Variants in TIAM1 observed in about 807,000 individuals in gnomAD.
TIAM1 encodes TIAM Rac1 associated GEF 1, also known as rho guanine nucleotide exchange factor TIAM1.
TIAM1 carries 65 observed loss-of-function variants against 163.5 expected under a neutral mutation model. That is an observed-to-expected ratio of 0.40 (90% CI 0.33 to 0.49). The LOEUF (loss-of-function observed/expected upper bound fraction) is 0.49, where lower values mean the gene tolerates loss of function less well. TIAM1 is among the 20% of genes least tolerant of loss of function. The probability of loss-of-function intolerance (pLI) is 0.77; values close to 1 mark genes in which losing one functional copy is unlikely to be tolerated. For synonymous variants in TIAM1, 833 were observed against 810.1 expected (o/e 1.03, Z -0.48); for missense variants, 1,789 against 2,044.7 (o/e 0.87, Z 2.41).
rs147701527 is a variant in TIAM1 at position 31,298,735 on chromosome 21, G to GGTGTGTGTGTGTGTGTGTGTGT, written c.-188-21849_-188-21828dup. 2.6e-4 allele frequency among the ~76,000 whole-genome samples: 36 copies of GGTGTGTGTGTGTGTGTGTGTGT among 138,574 alleles called. 1 individual carries two copies. The highest frequency in any genetic ancestry group is 3.7e-3 in the Middle Eastern group (1 of 272). The allele number at this position is 138,574 out of a possible 152,430, so 90.9% of individuals were successfully genotyped here. On this transcript the variant is annotated intron_variant, in intron 2 of 27. Coordinates refer to ENST00000541036, the MANE Select transcript of TIAM1 (RefSeq NM_001353694.2). ...ATGGATCAGATCAGATCCAATTGAG[G>GGTGTGTGTGTGTGTGTGTGTGT]GTGTGTGTGTGTGTGTGTGTGTGTG...
chr21:31,533,332 TAATAA>T (rs1454741449), intron 1 of TIAM1, among the ~76,000 whole-genome samples: 2 of 152,116 alleles, frequency 1.3e-5, no homozygotes, highest in Admixed American at 1.3e-4. Context: ...AAAACAGTAA[TAATAA>T]AATAAATTTT....
chr21:31,157,035 T>C (rs1017261114), intron 16 of TIAM1, among the ~76,000 whole-genome samples: 9 of 152,228 alleles, frequency 5.9e-5, no homozygotes, highest in Non-Finnish European at 1.0e-4. Flanking sequence ...TATAGGTTCT[T>C]GGAAACTGAC....
At chr21:31,378,508 T>A (rs112067600) in intron 2 of TIAM1, among the ~76,000 whole-genome samples, 254 of 152,350 alleles carry the variant, frequency 1.7e-3, no homozygotes, top group Middle Eastern at 0.01. Flanking sequence ...GATTCACTAA[T>A]TAACTTTCTT....
chr21:31,479,438 T>A (rs576598095), intron 1 of TIAM1, among the ~76,000 whole-genome samples: 10 of 134,954 alleles, frequency 7.4e-5, no homozygotes, highest in Non-Finnish European at 1.2e-4. Flanking sequence ...GACGGATGAA[T>A]GGAAGGATGG....
intron 4 of TIAM1, among the ~76,000 whole-genome samples, chr21:31,255,181 G>A (rs1318468279): frequency 6.6e-6 from 1 of 152,198 alleles, no homozygotes; most frequent in Non-Finnish European, 1.5e-5. Context: ...TGCTTTGGAA[G>A]CAAACAGCTC....
intron 2 of TIAM1, among the ~76,000 whole-genome samples, chr21:31,374,243 G>A (rs180688855): frequency 6.6e-6 from 1 of 152,268 alleles, no homozygotes; most frequent in African/African-American, 2.4e-5. Context: ...GGCAGGGGGC[G>A]ATCCCATAAA....
At chr21:31,524,957 G>C (rs940423199) in intron 1 of TIAM1, among the ~76,000 whole-genome samples, 30 of 152,066 alleles carry the variant, frequency 2.0e-4, no homozygotes, top group African/African-American at 6.8e-4. Flanking sequence ...GACTGTACAA[G>C]AAAAATGGCA....
In TIAM1 at chr21:31,438,412, G is replaced by A. The variant is rs190860536; in HGVS notation, c.-369+25571C>T. On this transcript the variant is annotated intron_variant, in intron 2 of 28. Coordinates refer to the TIAM1 transcript ENST00000286827. ...TTGCCATGTTGGACAGGCTGGTCTC[G>A]AACTCCTGACCTCAAGTGACCCACC... Among the ~76,000 whole-genome samples, 20 of 151,788 alleles carry A rather than the reference G, an allele frequency of 1.3e-4. No individual in the cohort carries two copies. In the East Asian group the frequency reaches 2.9e-3, roughly 22 times the overall value.
intron 2 of TIAM1, among the ~76,000 whole-genome samples, chr21:31,305,445 T>C (rs2074672243): frequency 6.6e-6 from 1 of 151,832 alleles, no homozygotes; most frequent in South Asian, 2.1e-4. Context: ...AAAACAGTTC[T>C]TAGCCTTTTT....
At chr21:31,546,352 C>G (rs1235756346) in intron 1 of TIAM1, among the ~76,000 whole-genome samples, 4 of 151,960 alleles carry the variant, frequency 2.6e-5, no homozygotes, top group Non-Finnish European at 5.9e-5. Context: ...GAGTTCGAGA[C>G]CAGCCTGGCC....
chr21:31,392,507 T>C (rs1292973703), intron 2 of TIAM1, among the ~76,000 whole-genome samples: 1 of 147,210 alleles, frequency 6.8e-6, no homozygotes, highest in East Asian at 2.0e-4. Flanking sequence ...GAGGCAAAGG[T>C]TGTGGTGAGC....
In TIAM1 at chr21:31,210,786, GAA is replaced by G. The variant is rs371525859; in HGVS notation, c.2218-573_2218-572del. On this transcript the variant is annotated intron_variant, in intron 10 of 27. Transcript: ENST00000541036. The stretch of plus-strand genomic sequence containing the variant: ...AGAAAGAAAGAAAGAAAGAAAGAAA[GAA>G]AGAAAGAAAGAAAGAAAGAAAGAAA... Among the ~76,000 whole-genome samples the G allele has an allele frequency of 3.0e-4, 43 of 141,016 alleles. 1 individual carries two copies. Among genetic ancestry groups the G allele is most frequent in the African/African-American group, 1.3e-3 (43 of 32,146 alleles). 92.5% of individuals were successfully genotyped at this position (141,016 alleles called of 152,430 possible).
chr21:31,322,743 G>A (rs138445798), intron 2 of TIAM1, among the ~76,000 whole-genome samples: 6 of 152,356 alleles, frequency 3.9e-5, no homozygotes, highest in Non-Finnish European at 7.3e-5. Flanking sequence ...TCTGTCCACT[G>A]AATTGAGTTA....
intron 1 of TIAM1, among the ~76,000 whole-genome samples, chr21:31,508,882 C>T (rs1009533420): frequency 6.6e-6 from 1 of 152,096 alleles, no homozygotes; most frequent in African/African-American, 2.4e-5. Flanking sequence ...GAGACCTATG[C>T]GCACACTATT....
In TIAM1 at chr21:31,314,178, AAGG is replaced by A. The variant is rs540478886; in HGVS notation, c.-189+25062_-189+25064del. On this transcript the variant is annotated intron_variant, in intron 2 of 27. Coordinates refer to ENST00000541036, the MANE Select transcript of TIAM1 (RefSeq NM_001353694.2). ...ACTTACAAATGAGAAAAGTGAGGCC[AAGG>A]AGGAGAAGTCTCCCACATGAAATGG... 1.1e-3 allele frequency among the ~76,000 whole-genome samples: 171 copies of A among 152,364 alleles called. 1 individual carries two copies. The Middle Eastern group carries it at 0.017, about 15-fold the overall frequency.
intron 2 of TIAM1, among the ~76,000 whole-genome samples, chr21:31,350,832 C>T (rs1037049621): frequency 2.6e-5 from 4 of 152,190 alleles, no homozygotes; most frequent in African/African-American, 7.2e-5. Flanking sequence ...GCCCAATACA[C>T]GATGAGACAT....
chr21:31,211,861 G>C (rs556343348), intron 10 of TIAM1, among the ~76,000 whole-genome samples: 1 of 152,328 alleles, frequency 6.6e-6, no homozygotes, highest in South Asian at 2.1e-4. Context: ...GTGGGAGAAA[G>C]ACGTACCTTA....
At chr21:31,390,873 C>T (rs2300362) in intron 2 of TIAM1, among the ~76,000 whole-genome samples, 18,215 of 152,132 alleles carry the variant, frequency 0.12, 1,286 homozygotes, top group Admixed American at 0.22. Context: ...CAGAAAGTGA[C>T]GACTAGCTTT....
At chr21:31,314,496 T>A (rs1195476787) in intron 2 of TIAM1, among the ~76,000 whole-genome samples, 1 of 152,168 alleles carries the variant, frequency 6.6e-6, no homozygotes, top group Admixed American at 6.5e-5. Context: ...GCCCTAAATA[T>A]ATAGTAAAAC....
Sources: gnomAD v4.1 joint callset for allele counts (sites outside exome capture counted in the v4.1 genomes callset) on GRCh38, gnomAD v4.1.1 for gene constraint, MANE v1.5 for transcripts, NCBI Gene and HGNC (gene_info 2026-07-23, HGNC 2026-07-21) for gene names.